The following ADGB variants were observed in gnomAD, a reference collection of about 807,000 sequenced individuals.
ADGB encodes the protein androglobin, also known as calpain-7-like protein.
In ADGB, 172 loss-of-function variants were observed where a neutral mutation model predicts 210.5. That is an observed-to-expected ratio of 0.82 (90% confidence interval 0.72 to 0.93). ADGB has a LOEUF of 0.93. Ranked by LOEUF, ADGB falls within the 40% of genes least tolerant of loss-of-function variation. The probability of loss-of-function intolerance (pLI) is 0.00; values close to 1 mark genes in which losing one functional copy is unlikely to be tolerated. For synonymous variants in ADGB, 658 were observed against 662.7 expected, an observed-to-expected ratio of 0.99 and a Z score of 0.11; for missense variants, 2,025 against 1,964.8, an observed-to-expected ratio of 1.03 and a Z score of -0.58.
At chr6:146,687,147 T>G (rs2114917935) in intron 10 of ADGB, among the ~76,000 whole-genome samples, 1 of 152,224 alleles carries the variant, frequency 6.6e-6, no homozygotes, top group South Asian at 2.1e-4. Context: ...TAATCCAAAG[T>G]TAGAAAACAT....
chr6:146,767,175 G>C (rs1365177626), intron 28 of ADGB, among the ~76,000 whole-genome samples: 1 of 152,128 alleles, frequency 6.6e-6, no homozygotes. Flanking sequence ...AATAAGAAAA[G>C]AATGCTTGCT....
chr6:146,642,965 G>A (rs758193346), intron 2 of ADGB, among the ~76,000 whole-genome samples: 5 of 151,754 alleles, frequency 3.3e-5, no homozygotes, highest in African/African-American at 9.7e-5. Flanking sequence ...AGAATCAAGC[G>A]ACTGAAAACG....
Position 146,810,669 on chromosome 6 carries a change from G to A in ADGB, c.4819-4363G>A, listed in dbSNP as rs186571467. On this transcript the variant is annotated intron_variant, in intron 35 of 35. Transcript: ENST00000397944. Reference sequence around the variant, plus strand: ...TTGCAACAACACAGATGAACATGTAGGGCATTATGCTAAGTGAAATATGCC... The same window carrying A: ...TTGCAACAACACAGATGAACATGTAAGGCATTATGCTAAGTGAAATATGCC... Among the ~76,000 whole-genome samples, 26 of 152,114 alleles carry A rather than the reference G, an allele frequency of 1.7e-4. No homozygotes were observed. The East Asian group carries it at 4.8e-3, about 28-fold the overall frequency.
rs1778376668 is a variant in ADGB at position 146,815,404 on chromosome 6, G to A, written c.*187G>A. On this transcript the variant is annotated 3_prime_UTR_variant, in exon 36 of 36. Coordinates refer to ENST00000397944, the MANE Select transcript of ADGB (RefSeq NM_024694.4). ...ATTTGAAGCCATTTGAGTTTAAGAT[G>A]CTCTAATTTCAATAAAATAGCTTCC... 1 of 381,836 alleles carries A rather than the reference G, an allele frequency of 2.6e-6. No individual in the cohort carries two copies. The highest frequency in any genetic ancestry group is 4.5e-6 in the Non-Finnish European group (1 of 221,650). The allele number at this position is 381,836 out of a possible 1,614,324, so 23.7% of individuals were successfully genotyped here.
rs1011744388 is a variant in ADGB at position 146,728,696 on chromosome 6, C to T, written c.2475C>T (p.Tyr825=). ...TGAAGGATCTGCAAACAGCTCACTA[C>T]CCTGTCCCCTTCCATGATAAAGAAC... ...AALKDLQTAH[Y]PVPFHDKELT... is the part of the protein sequence containing the mutation. Residue 825 remains tyrosine (Y), a synonymous_variant, in exon 20 of 36, where the codon TAC becomes TAT. Coordinates refer to ENST00000397944, the MANE Select transcript of ADGB (RefSeq NM_024694.4). The T allele has an allele frequency of 5.2e-6, 8 of 1,551,292 alleles. No individual in the cohort carries two copies. The highest frequency in any genetic ancestry group is 7.0e-6 in the Non-Finnish European group (8 of 1,146,728).
At chr6:146,723,081 G>A (rs79548234) in intron 17 of ADGB, among the ~76,000 whole-genome samples, 2,190 of 152,248 alleles carry the variant, frequency 0.014, 54 homozygotes, top group African/African-American at 0.05. Flanking sequence ...TATCGTCAAT[G>A]TTTTGAATGG....
rs1395840223 is a variant in ADGB at position 146,733,136 on chromosome 6, T to C, written c.2537T>C (p.Leu846Ser). The change falls in exon 21 of 36, where the codon TTA (leucine) becomes TCA (serine). Residue 846 changes from leucine (L) to serine (S), a missense_variant. Leu to Ser is a moderately radical substitution (Grantham distance 145). Transcript: ENST00000397944. ...AQHFRVFHLSLWRLMKKVQIT... is the reference protein window; with the variant it reads ...AQHFRVFHLSSWRLMKKVQIT... ...GTGTTTCAGGTTTTTCATCTTTCCT[T>C]ATGGCGTTTAATGAAAAAAGTTCAA... The C allele has an allele frequency of 2.6e-6, 4 of 1,528,004 alleles. No homozygotes were observed. In the African/African-American group the frequency reaches 5.6e-5, roughly 21 times the overall value. 94.7% of individuals were successfully genotyped at this position (1,528,004 alleles called of 1,614,324 possible).
chr6:146,750,481 C>G (rs1325666993), intron 26 of ADGB, among the ~76,000 whole-genome samples: 1 of 152,042 alleles, frequency 6.6e-6, no homozygotes, highest in East Asian at 1.9e-4. Flanking sequence ...TCACTTGAGC[C>G]CAGGAGTTTG....
intron 8 of ADGB, among the ~76,000 whole-genome samples, chr6:146,674,827 G>A (rs1776065424): frequency 6.6e-6 from 1 of 152,110 alleles, no homozygotes; most frequent in Admixed American, 6.5e-5. Flanking sequence ...ACATTTTGGT[G>A]AGCACTGTTG....
intron 1 of ADGB, among the ~76,000 whole-genome samples, chr6:146,604,184 C>T (rs565677599): frequency 1.5e-4 from 23 of 152,176 alleles, no homozygotes; most frequent in Middle Eastern, 3.4e-3. Flanking sequence ...ACAATGTGGC[C>T]GAGGACTTTG....
intron 20 of ADGB, among the ~76,000 whole-genome samples, chr6:146,730,054 T>G (rs563372208): frequency 6.6e-6 from 1 of 152,300 alleles, no homozygotes; most frequent in African/African-American, 2.4e-5. Context: ...CCAGTTAAAT[T>G]CTATTTTGCG....
chr6:146,605,838 G>C (rs1251807772), intron 1 of ADGB, among the ~76,000 whole-genome samples: 1 of 152,114 alleles, frequency 6.6e-6, no homozygotes, highest in African/African-American at 2.4e-5. Context: ...CTGAGCACTT[G>C]GTTGATTCTA....
chr6:146,803,558 T>C, intron 35 of ADGB: 2 of 1,541,192 alleles, frequency 1.3e-6, no homozygotes, highest in Non-Finnish European at 8.9e-7. Context: ...GTTCTATTTA[T>C]GTAAGCAGCC....
At chr6:146,699,738 A>G (rs1373897190) in intron 12 of ADGB, among the ~76,000 whole-genome samples, 3 of 90,510 alleles carry the variant, frequency 3.3e-5, no homozygotes, top group Admixed American at 1.9e-4. Flanking sequence ...TTGAGTTTGC[A>G]TATCAGAGAT....
At chr6:146,793,223 TGATTGGTG>T (rs1777977834) in intron 33 of ADGB, among the ~76,000 whole-genome samples, 1 of 125,234 alleles carries the variant, frequency 8.0e-6, no homozygotes, top group African/African-American at 4.0e-5. Flanking sequence ...TACAGAGCAC[TGATTGGTG>T]CGTTTTACAG....
At chr6:146,654,426 C>T (rs1411944112) in intron 4 of ADGB, among the ~76,000 whole-genome samples, 2 of 136,338 alleles carry the variant, frequency 1.5e-5, no homozygotes, top group East Asian at 2.0e-4. Context: ...GAACACAGCT[C>T]GGTGCAGTCT....
In ADGB at chr6:146,599,096, G is replaced by C; in HGVS notation, c.56G>C (p.Gly19Ala). 1 of 1,551,724 alleles carries C rather than the reference G, an allele frequency of 6.4e-7. No individual in the cohort carries two copies. Among genetic ancestry groups the C allele is most frequent in the Non-Finnish European group, 8.7e-7 (1 of 1,146,986 alleles). Residue 19 changes from glycine (G) to alanine (A), a missense_variant, in exon 1 of 36, where the codon GGA becomes GCA. Transcript: ENST00000397944. ...KEVHRINSAH[G>A]SDKSKDFYPF... ...GTGCATCGTATCAACTCGGCGCACG[G>C]ATCGGATAAATCGAAAGAGTAAGGG...
At chr6:146,765,412 C>T (rs567747559) in intron 28 of ADGB, among the ~76,000 whole-genome samples, 2 of 151,716 alleles carry the variant, frequency 1.3e-5, no homozygotes, top group South Asian at 4.2e-4. Flanking sequence ...ACCCAATAAA[C>T]AGAGAATATA....
At chr6:146,729,121 A>G (rs1056764429) in intron 20 of ADGB, among the ~76,000 whole-genome samples, 1 of 152,110 alleles carries the variant, frequency 6.6e-6, no homozygotes, top group African/African-American at 2.4e-5. Context: ...TCACACTTAC[A>G]ACGTGTGCCT....
Sources: gnomAD v4.1 joint callset for allele counts (sites outside exome capture counted in the v4.1 genomes callset) on GRCh38, gnomAD v4.1.1 for gene constraint, MANE v1.5 for transcripts, NCBI Gene and HGNC (gene_info 2026-07-23, HGNC 2026-07-21) for gene names.